Variants in PAPOLG observed in about 807,000 individuals in gnomAD.
PAPOLG encodes the protein PAP-gamma.
PAPOLG carries 40 observed loss-of-function variants against 99.0 expected under a neutral mutation model. The observed-to-expected ratio is 0.40, with a 90% CI of 0.31 to 0.53. PAPOLG has a LOEUF of 0.53. PAPOLG is among the 20% of genes least tolerant of loss of function. The probability of loss-of-function intolerance (pLI) is 0.41; values close to 1 mark genes in which losing one functional copy is unlikely to be tolerated. For synonymous variants in PAPOLG, 310 were observed against 299.3 expected (o/e 1.04, Z -0.37); for missense variants, 675 against 884.1 (o/e 0.76, Z 3.00).
intron 12 of PAPOLG, 96 bp downstream of exon 12, chr2:60,782,866 AT>A (rs1671236243): frequency 2.9e-6 from 4 of 1,356,926 alleles, no homozygotes; most frequent in Non-Finnish European, 3.9e-6. Context: ...CAGCTCTTTT[AT>A]TTCTTAAGCA....
At chr2:60,783,484 A>AGCC (rs1310767710) in intron 13 of PAPOLG, among the ~76,000 whole-genome samples, 1 of 115,004 alleles carries the variant, frequency 8.7e-6, no homozygotes, top group Non-Finnish European at 1.7e-5. Context: ...TACAGGCCTG[A>AGCC]GCCACTTTAC....
intron 15 of PAPOLG, 84 bp from the exon 16 acceptor site, chr2:60,791,677 A>T: frequency 6.7e-7 from 1 of 1,498,798 alleles, no homozygotes; most frequent in South Asian, 1.4e-5. Context: ...GGGAGATAGT[A>T]AAAGTATATG....
intron 3 of PAPOLG, among the ~76,000 whole-genome samples, chr2:60,762,590 G>C (rs1280152346): frequency 1.3e-5 from 2 of 151,804 alleles, no homozygotes; most frequent in Non-Finnish European, 2.9e-5. Context: ...TATGTAAATA[G>C]TTGTCACTGT....
At chr2:60,780,643 A>G (rs1671159980) in intron 9 of PAPOLG, 64 bp from the exon 10 acceptor site, 8 of 1,478,216 alleles carry the variant, frequency 5.4e-6, no homozygotes, top group Non-Finnish European at 7.5e-6. Context: ...TCTAATAATT[A>G]TAAAGTTTCA....
chr2:60,789,668 GTTA>G (rs1671472189), intron 15 of PAPOLG, among the ~76,000 whole-genome samples: 1 of 152,152 alleles, frequency 6.6e-6, no homozygotes, highest in Admixed American at 6.5e-5. Context: ...TAATGTATCT[GTTA>G]TAAATTTGGG....
chr2:60,780,887 T>C, intron 10 of PAPOLG, 108 bp downstream of exon 10: 1 of 918,392 alleles, frequency 1.1e-6, no homozygotes, highest in Non-Finnish European at 1.7e-6. Context: ...CTTCCTTCTA[T>C]ATAACTATAG....
chr2:60,794,288 G>A (rs916908797), intron 19 of PAPOLG, 97 bp downstream of exon 19: 19 of 1,247,282 alleles, frequency 1.5e-5, no homozygotes, highest in South Asian at 6.6e-5. Context: ...TCTGTTAGGA[G>A]TTGGCTGAAA....
intron 10 of PAPOLG, 111 bp from the exon 11 acceptor site, chr2:60,781,774 A>G (rs1488323685): frequency 1.4e-6 from 2 of 1,420,786 alleles, no homozygotes; most frequent in Non-Finnish European, 1.9e-6. Context: ...CTTAAACTTG[A>G]GGAAATGTAG....
At chr2:60,789,088 A>G (rs1671453417) in intron 15 of PAPOLG, among the ~76,000 whole-genome samples, 1 of 152,250 alleles carries the variant, frequency 6.6e-6, no homozygotes, top group South Asian at 2.1e-4. Flanking sequence ...CAAAAAACCA[A>G]ACACCACATA....
At chr2:60,789,156 A>G (rs957537191) in intron 15 of PAPOLG, among the ~76,000 whole-genome samples, 2 of 151,726 alleles carry the variant, frequency 1.3e-5, no homozygotes, top group African/African-American at 4.8e-5. Flanking sequence ...GAAGGGGAAC[A>G]TCACACTCTG....
intron 8 of PAPOLG, among the ~76,000 whole-genome samples, chr2:60,778,384 G>A (rs1440584325): frequency 6.6e-6 from 1 of 151,596 alleles, no homozygotes; most frequent in African/African-American, 2.4e-5. Context: ...TGCTATGTTA[G>A]CTAGGCTGGT....
intron 1 of PAPOLG, among the ~76,000 whole-genome samples, chr2:60,758,074 C>A (rs2103749334): frequency 6.6e-6 from 1 of 152,256 alleles, no homozygotes; most frequent in Middle Eastern, 3.4e-3. Flanking sequence ...GGCACTTATT[C>A]AATACCCCTT....
At chr2:60,787,676 C>A in intron 15 of PAPOLG, 56 bp downstream of exon 15, 2 of 1,579,130 alleles carry the variant, frequency 1.3e-6, no homozygotes, top group South Asian at 1.2e-5. Context: ...TACTCAGTGT[C>A]ATCTGCCTAC....
intron 7 of PAPOLG, among the ~76,000 whole-genome samples, chr2:60,771,849 C>T (rs1033222999): frequency 3.9e-5 from 6 of 152,158 alleles, no homozygotes; most frequent in Non-Finnish European, 2.9e-5. Flanking sequence ...ACTTACTGGT[C>T]TCAAGACTTC....
In PAPOLG at chr2:60,768,866, T is replaced by G; in HGVS notation, c.414T>G (p.His138Gln). The change falls in exon 5 of 22, where the codon CAT (histidine) becomes CAG (glutamine). Residue 138 changes from histidine (H) to glutamine (Q), a missense_variant. His to Gln is a conservative substitution (Grantham distance 24, BLOSUM62 0). Coordinates refer to ENST00000238714, the MANE Select transcript of PAPOLG (RefSeq NM_022894.4). ...AGTCTTTTTTTGAAAAATTGAAACATCAAGATGGCATTAGAAACTTAAGAG... is the reference window on the plus strand; with the variant it reads ...AGTCTTTTTTTGAAAAATTGAAACAGCAAGATGGCATTAGAAACTTAAGAG... ...FFQSFFEKLK[H>Q]QDGIRNLRAV... 1 of 1,597,616 alleles carries G rather than the reference T, an allele frequency of 6.3e-7. No homozygotes were observed. Among genetic ancestry groups the G allele is most frequent in the Non-Finnish European group, 8.5e-7 (1 of 1,170,310 alleles).
At chr2:60,790,018 T>TG in intron 15 of PAPOLG, among the ~76,000 whole-genome samples, 1 of 152,112 alleles carries the variant, frequency 6.6e-6, no homozygotes, top group Non-Finnish European at 1.5e-5. Context: ...CGCTTGAACC[T>TG]GGGAGGCGGA....
intron 13 of PAPOLG, among the ~76,000 whole-genome samples, chr2:60,783,809 G>T (rs1367477768): frequency 6.6e-6 from 1 of 151,604 alleles, no homozygotes; most frequent in Non-Finnish European, 1.5e-5. Flanking sequence ...TGGAGCTTCA[G>T]TGTTTAAAAT....
intron 3 of PAPOLG, among the ~76,000 whole-genome samples, chr2:60,764,537 C>CA (rs1670616845): frequency 6.6e-6 from 1 of 151,950 alleles, no homozygotes. Context: ...CCAACCTCCC[C>CA]ACCTCAGCCT....
Position 60,760,203 on chromosome 2 carries a change from T to G in PAPOLG, c.87T>G (p.Ser29=), listed in dbSNP as rs1475372150. The G allele has an allele frequency of 6.2e-7, 1 of 1,613,794 alleles. No homozygotes were observed. The highest frequency in any genetic ancestry group is 2.2e-5 in the East Asian group (1 of 44,884). ...YGITSPISLA[S]PKEIDHIYTQ... ...TTACCTCCCCAATTAGTTTGGCATC[T>G]CCTAAAGAAATTGATCATATTTACA... The change falls in exon 2 of 22, where the codon TCT becomes TCG. Residue 29 remains serine, a synonymous_variant. Transcript: ENST00000238714.
Sources: allele counts gnomAD v4.1 joint callset (sites outside exome capture counted in the v4.1 genomes callset), GRCh38; gene constraint gnomAD v4.1.1; transcripts MANE v1.5; gene names NCBI Gene and HGNC (gene_info 2026-07-23, HGNC 2026-07-21).